Variants in HECTD4 observed in about 807,000 individuals in gnomAD.
The protein encoded by HECTD4 is probable E3 ubiquitin-protein ligase HECTD4.
HECTD4 carries 114 observed loss-of-function variants against 471.5 expected under a neutral mutation model. The ratio of observed to expected loss-of-function variants is 0.24; its 90% CI spans 0.21 to 0.28. The LOEUF (loss-of-function observed/expected upper bound fraction) is 0.28. HECTD4 is among the 10% of genes least tolerant of loss of function. HECTD4 has a pLI of 1.00. For missense variants in HECTD4, 3,866 were observed against 5,651.5 expected, an observed-to-expected ratio of 0.68 and a Z score of 10.13; for synonymous variants, 2,012 against 2,256.0, an observed-to-expected ratio of 0.89 and a Z score of 3.07.
chr12:112,246,062 A>T (rs1213120131), intron 29 of HECTD4, among the ~76,000 whole-genome samples: 1 of 151,910 alleles, frequency 6.6e-6, no homozygotes, highest in Non-Finnish European at 1.5e-5. Flanking sequence ...AACCCAGGAG[A>T]CAGAGACTGC....
At chr12:112,230,905 G>C in intron 39 of HECTD4, 83 bp from the exon 40 acceptor site, 3 of 1,311,422 alleles carry the variant, frequency 2.3e-6, no homozygotes, top group Non-Finnish European at 3.1e-6. Flanking sequence ...TAGCATCAGA[G>C]GAAAACCTTT....
chr12:112,176,621 T>C lies in HECTD4; in HGVS notation c.11445A>G (p.Glu3815=), dbSNP rs759525892. ...CTTCTTGTTTTTTGGTAGGTGACTT[T>C]TCTGGGTCCTTTTCATCTGGTTTGC... is the stretch of plus-strand genomic sequence containing the variant. ...EKSKPDEKDP[E]KSPTKKQEVP... is the part of the protein sequence containing the mutation. Residue 3815 remains glutamate (E), a synonymous_variant, in exon 65 of 76, where the codon GAA becomes GAG. Coordinates refer to ENST00000682272, the MANE Select transcript of HECTD4 (RefSeq NM_001388303.1). 1 of 1,613,960 alleles carries C rather than the reference T, an allele frequency of 6.2e-7. No homozygotes were observed. The highest frequency in any genetic ancestry group is 8.5e-7 in the Non-Finnish European group (1 of 1,179,822).
rs2033775931 is a variant in HECTD4, at chr12:112,246,887, T to C, written c.4513+14A>G. ...TATAACAGAAGCCGATTAGGGGCTA[T>C]CTTTGAGCAGTACCTGGTGTTTCAG... is the stretch of plus-strand genomic sequence containing the variant. On this transcript the variant is annotated intron_variant, in intron 29 of 75. Coordinates refer to ENST00000682272, the MANE Select transcript of HECTD4 (RefSeq NM_001388303.1). 6.2e-7 allele frequency: 1 copy of C among 1,607,674 alleles called. No individual in the cohort carries two copies. The highest frequency in any genetic ancestry group is 8.5e-7 in the Non-Finnish European group (1 of 1,177,992).
Position 112,270,376 on chromosome 12 carries a change from CAAG to C in HECTD4, c.2023_2025del (p.Leu675del). 1 of 1,613,950 alleles carries C rather than the reference CAAG, an allele frequency of 6.2e-7. No individual in the cohort carries two copies. The highest frequency in any genetic ancestry group is 8.5e-7 in the Non-Finnish European group (1 of 1,179,898). ...GTGATTGGAAGATTGGGGTTGGTGG[CAAG>C]AAGATTGAGTTGGTGTATGCACATC... On this transcript the variant is annotated inframe_deletion, in exon 12 of 76. Transcript: ENST00000682272.
At chr12:112,275,445 C>A (rs1364581222) in intron 9 of HECTD4, among the ~76,000 whole-genome samples, 1 of 152,162 alleles carries the variant, frequency 6.6e-6, no homozygotes, top group East Asian at 1.9e-4. Context: ...TATTAAAGAG[C>A]ATGGACTTTG....
chr12:112,269,077 G>A (rs979542992), intron 13 of HECTD4, among the ~76,000 whole-genome samples: 21 of 151,724 alleles, frequency 1.4e-4, no homozygotes, highest in Non-Finnish European at 2.8e-4. Flanking sequence ...GTTTCACCGT[G>A]TTAGCCAGGA....
At chr12:112,211,047 A>AT (rs900050778) in intron 49 of HECTD4, among the ~76,000 whole-genome samples, 26 of 152,158 alleles carry the variant, frequency 1.7e-4, no homozygotes, top group African/African-American at 6.0e-4. Flanking sequence ...CTTATAGGTT[A>AT]TTTTTTTAAA....
intron 1 of HECTD4, among the ~76,000 whole-genome samples, chr12:112,380,749 C>A (rs2036871612): frequency 6.6e-6 from 1 of 152,102 alleles, no homozygotes; most frequent in South Asian, 2.1e-4. Context: ...AATCCAGACA[C>A]AAAAATACAG....
chr12:112,171,491 G>T, intron 67 of HECTD4: 1 of 618,940 alleles, frequency 1.6e-6, no homozygotes, highest in South Asian at 2.1e-5. Context: ...TGGCTCTTAA[G>T]GAGTCCAAGG....
Position 112,172,881 on chromosome 12 carries a change from G to C in HECTD4, c.11595-20C>G, listed in dbSNP as rs1014859876. On this transcript the variant is annotated intron_variant, in intron 66 of 75. Transcript: ENST00000682272. ...GCGCACCTTGGGGTGGGGACAGGGG[G>C]AGAGGGGCAAAGTGAGGCAGGGCAC... 1 of 1,610,326 alleles carries C rather than the reference G, an allele frequency of 6.2e-7. No homozygotes were observed. Among genetic ancestry groups the C allele is most frequent in the Non-Finnish European group, 8.5e-7 (1 of 1,177,006 alleles).
At chr12:112,244,728 C>G (rs1006554617) in intron 29 of HECTD4, among the ~76,000 whole-genome samples, 1 of 152,146 alleles carries the variant, frequency 6.6e-6, no homozygotes, top group Non-Finnish European at 1.5e-5. Context: ...GCCTTTTTCC[C>G]TGCTTTAACC....
chr12:112,342,473 C>A (rs1163777075), intron 1 of HECTD4, among the ~76,000 whole-genome samples: 3 of 151,992 alleles, frequency 2.0e-5, no homozygotes, highest in African/African-American at 4.8e-5. Context: ...AACAAACAAA[C>A]AAACAAAAAA....
At chr12:112,285,718 A>G (rs997201454) in intron 7 of HECTD4, among the ~76,000 whole-genome samples, 1 of 151,820 alleles carries the variant, frequency 6.6e-6, no homozygotes, top group Non-Finnish European at 1.5e-5. Flanking sequence ...CAACTCCCAC[A>G]TTTCTATTTA....
chr12:112,349,752 T>A (rs2036220223), intron 1 of HECTD4, among the ~76,000 whole-genome samples: 1 of 152,174 alleles, frequency 6.6e-6, no homozygotes, highest in African/African-American at 2.4e-5. Flanking sequence ...TGGAGTGTTA[T>A]GGAGTAAAAA....
Position 112,217,302 on chromosome 12 carries a change from CACACACACACACACAT to C in HECTD4, c.7075-123_7075-108del, listed in dbSNP as rs768682598. 1,436 of 421,434 alleles carry C rather than the reference CACACACACACACACAT, an allele frequency of 3.4e-3. 17 individuals are homozygous for C. Among genetic ancestry groups the C allele is most frequent in the African/African-American group, 0.03 (1,307 of 43,650 alleles). 26.1% of individuals were successfully genotyped at this position (421,434 alleles called of 1,614,324 possible). On this transcript the variant is annotated intron_variant, in intron 45 of 75. Coordinates refer to ENST00000682272, the MANE Select transcript of HECTD4 (RefSeq NM_001388303.1). ...CTGATGGTATTAAAATATAGGCATA[CACACACACACACACAT>C]ACACACACACACACACATACACACA...
chr12:112,253,060 C>T (rs2033929544), intron 22 of HECTD4, among the ~76,000 whole-genome samples: 1 of 152,004 alleles, frequency 6.6e-6, no homozygotes, highest in Non-Finnish European at 1.5e-5. Context: ...GCAGTCTGTC[C>T]ACCTCAGCCT....
At position 112,167,460 on chromosome 12, in the gene HECTD4, T is replaced by A. The variant is rs1183635285; in HGVS notation, c.12391A>T (p.Ile4131Phe). ...LLHFLGQLLG[I>F]AIRADVPLPL... ...AGCGGGACGTCTGCCCGAATTGCAA[T>A]CCCCAGCAGCTGCCCCAGGAAGTGC... The change falls in exon 72 of 76, where the codon ATT (isoleucine) becomes TTT (phenylalanine). Residue 4131 changes from isoleucine (I) to phenylalanine (F), a missense_variant. This residue lies in a region of HECTD4 where 715 missense variants were observed against 1,087.6 expected (regional missense o/e 0.66). Transcript: ENST00000682272. 1 of 1,613,260 alleles carries A rather than the reference T, an allele frequency of 6.2e-7. No homozygotes were observed.
In HECTD4 at chr12:112,279,345, T is replaced by C; in HGVS notation, c.1570A>G (p.Thr524Ala). 1 of 1,607,682 alleles carries C rather than the reference T, an allele frequency of 6.2e-7. No homozygotes were observed. Among genetic ancestry groups the C allele is most frequent in the Non-Finnish European group, 8.5e-7 (1 of 1,178,744 alleles). Residue 524 changes from threonine (T) to alanine (A), a missense_variant, in exon 9 of 76, where the codon ACA (threonine) becomes GCA (alanine). Coordinates refer to ENST00000682272, the MANE Select transcript of HECTD4 (RefSeq NM_001388303.1). ...CGLPLKMLRK[T>A]PIYTCGTYLV... is the part of the protein sequence containing the mutation. ...TAGGTGCCACAGGTATATATGGGTG[T>C]CTTCCGCAGCATTTTTAGAGGCAGC...
chr12:112,271,586 A>G (rs1234994045), intron 11 of HECTD4, among the ~76,000 whole-genome samples: 2 of 152,138 alleles, frequency 1.3e-5, no homozygotes, highest in Non-Finnish European at 2.9e-5. Context: ...AGGGAAGGAA[A>G]TTCTATTCTG....
Sources: allele counts gnomAD v4.1 joint callset (sites outside exome capture counted in the v4.1 genomes callset), GRCh38; gene constraint gnomAD v4.1.1; regional missense constraint gnomAD v4.1.1; transcripts MANE v1.5; gene names NCBI Gene and HGNC (gene_info 2026-07-23, HGNC 2026-07-21).